The following STX8 variants were observed in gnomAD, a reference collection of about 807,000 sequenced individuals.
STX8 encodes the protein syntaxin 8.
Under a neutral mutation model 37.5 loss-of-function variants are expected in STX8, and 23 were observed. That is an observed-to-expected ratio of 0.61 (90% CI 0.44 to 0.87). The LOEUF is 0.87. Among genes scored for constraint, STX8 ranks in the 40% least tolerant of loss-of-function variants. The probability of loss-of-function intolerance (pLI) is 0.00; values close to 1 mark genes in which losing one functional copy is unlikely to be tolerated. For missense variants in STX8, 313 were observed against 284.7 expected (o/e 1.10, Z -0.71); for synonymous variants, 115 against 99.1 (o/e 1.16, Z -0.95).
In STX8 at chr17:9,507,887, C is replaced by T. The variant is rs2100673; in HGVS notation, c.324-2725G>A. Among the ~76,000 whole-genome samples the T allele has an allele frequency of 0.64, 97,920 of 151,940 alleles. 33,020 individuals carry two copies. Among genetic ancestry groups the T allele is most frequent in the Middle Eastern group, 0.84 (246 of 294 alleles). ...CACCTGGAACCAAAGCCAATGCATCCCACTGAACCAACACCCCAAGATCCA... is the reference window on the plus strand; with the variant it reads ...CACCTGGAACCAAAGCCAATGCATCTCACTGAACCAACACCCCAAGATCCA... On this transcript the variant is annotated intron_variant, in intron 4 of 7. Transcript: ENST00000306357. This position sits in a 1 kb window ranked among gnomAD's most constrained non-coding sequence, Gnocchi z 4.0.
chr17:9,459,067 A>G (rs9900838), intron 6 of STX8, among the ~76,000 whole-genome samples: 1 of 151,696 alleles, frequency 6.6e-6, no homozygotes, highest in Non-Finnish European at 1.5e-5. Flanking sequence ...CTCCTGACCT[A>G]GTGATCCGCC....
At chr17:9,331,761 G>T (rs1013450086) in intron 7 of STX8, among the ~76,000 whole-genome samples, 2 of 151,504 alleles carry the variant, frequency 1.3e-5, no homozygotes, top group Non-Finnish European at 2.9e-5. Flanking sequence ...TTTTTCCTCC[G>T]CCTGTTCTCT....
intron 7 of STX8, among the ~76,000 whole-genome samples, chr17:9,285,913 C>A (rs1458799987): frequency 6.6e-6 from 1 of 152,172 alleles, no homozygotes; most frequent in Non-Finnish European, 1.5e-5. Flanking sequence ...GACTAATTTA[C>A]TCAATACTTC....
chr17:9,494,162 C>T (rs1176032953), intron 5 of STX8, among the ~76,000 whole-genome samples: 1 of 151,758 alleles, frequency 6.6e-6, no homozygotes, highest in Non-Finnish European at 1.5e-5. Context: ...ACTACAGGCG[C>T]CCGCCACCAC....
chr17:9,395,205 A>T (rs560011868), intron 6 of STX8, among the ~76,000 whole-genome samples: 1 of 152,352 alleles, frequency 6.6e-6, no homozygotes, highest in Admixed American at 6.5e-5. Flanking sequence ...TAAAACAAAT[A>T]TTCATATAAA....
intron 7 of STX8, among the ~76,000 whole-genome samples, chr17:9,253,207 G>GGTGT (rs36048368): frequency 0.037 from 5,165 of 140,938 alleles, 127 homozygotes; most frequent in African/African-American, 0.05. Flanking sequence ...CAGGGGTAGG[G>GGTGT]GTGTGTGTGT....
chr17:9,274,648 C>A (rs1203646794), intron 7 of STX8, among the ~76,000 whole-genome samples: 1 of 146,424 alleles, frequency 6.8e-6, no homozygotes, highest in Non-Finnish European at 1.5e-5. Flanking sequence ...TGCACTCCAG[C>A]CTGGGCAACA....
intron 7 of STX8, among the ~76,000 whole-genome samples, chr17:9,286,239 CT>C (rs1215047106): frequency 1.3e-5 from 2 of 152,206 alleles, no homozygotes. Context: ...AGTTATTTAA[CT>C]GTTAGCACAG....
At chr17:9,538,579 G>C (rs1906152540) in intron 4 of STX8, among the ~76,000 whole-genome samples, 1 of 152,194 alleles carries the variant, frequency 6.6e-6, no homozygotes, top group African/African-American at 2.4e-5. Flanking sequence ...TAGTGCAAGA[G>C]AAAAGCCTAT....
chr17:9,341,005 T>C (rs917458637), intron 7 of STX8, among the ~76,000 whole-genome samples: 12 of 144,490 alleles, frequency 8.3e-5, no homozygotes, highest in African/African-American at 2.8e-4. Context: ...ATAAATTATA[T>C]ATATAAATAT....
intron 7 of STX8, among the ~76,000 whole-genome samples, chr17:9,347,803 C>T (rs1472207976): frequency 6.6e-6 from 1 of 152,236 alleles, no homozygotes; most frequent in African/African-American, 2.4e-5. Context: ...TTTCTCCCAA[C>T]TCCCCAGTCC....
At chr17:9,286,048 AAAT>A (rs998169338) in intron 7 of STX8, among the ~76,000 whole-genome samples, 58 of 152,150 alleles carry the variant, frequency 3.8e-4, no homozygotes, top group African/African-American at 1.3e-3. Flanking sequence ...TTAAAAAAAA[AAAT>A]AAGGCAAGAT....
At chr17:9,372,779 A>ATT (rs72485507) in intron 7 of STX8, among the ~76,000 whole-genome samples, 27 of 109,536 alleles carry the variant, frequency 2.5e-4, no homozygotes, top group African/African-American at 7.8e-4. Flanking sequence ...CCCAGCCCTC[A>ATT]TTTTTTTTTT....
At chr17:9,525,680 T>C (rs1905538977) in intron 4 of STX8, among the ~76,000 whole-genome samples, 2 of 152,160 alleles carry the variant, frequency 1.3e-5, no homozygotes, top group Non-Finnish European at 1.5e-5. Context: ...CCAGATCATT[T>C]ATGGCTCATA....
At chr17:9,261,468 C>G (rs982026905) in intron 7 of STX8, among the ~76,000 whole-genome samples, 5 of 152,148 alleles carry the variant, frequency 3.3e-5, no homozygotes, top group African/African-American at 1.2e-4. Context: ...ATGAGAAAGG[C>G]AGAAAAATCA....
chr17:9,364,122 G>A (rs1033899570), intron 7 of STX8, among the ~76,000 whole-genome samples: 23 of 152,094 alleles, frequency 1.5e-4, no homozygotes, highest in African/African-American at 5.1e-4. Context: ...CACTTAACAC[G>A]CGCATTATCC....
At position 9,403,965 on chromosome 17, in the gene STX8, TC is replaced by T. The variant is rs529673835; in HGVS notation, c.542-25313del. Among the ~76,000 whole-genome samples the T allele has an allele frequency of 2.5e-3, 381 of 152,110 alleles. 1 individual carries two copies. Among genetic ancestry groups the T allele is most frequent in the African/African-American group, 9.0e-3 (373 of 41,476 alleles). The stretch of plus-strand genomic sequence containing the variant: ...CCGGCCCACATACAACTCTTTTGAC[TC>T]CCCCAAAACTTAACTAACCGTCTAC... On this transcript the variant is annotated intron_variant, in intron 6 of 7. Transcript: ENST00000306357.
At chr17:9,291,695 T>A (rs1908316952) in intron 7 of STX8, among the ~76,000 whole-genome samples, 1 of 152,184 alleles carries the variant, frequency 6.6e-6, no homozygotes, top group African/African-American at 2.4e-5. Flanking sequence ...AAACTACCCA[T>A]GTCCTCTTTG....
At chr17:9,281,021 A>T (rs1202386001) in intron 7 of STX8, among the ~76,000 whole-genome samples, 1 of 152,176 alleles carries the variant, frequency 6.6e-6, no homozygotes, top group Non-Finnish European at 1.5e-5. Context: ...TGTGACAAGG[A>T]ATCTGGGCAA....
Sources: allele counts gnomAD v4.1 joint callset (sites outside exome capture counted in the v4.1 genomes callset), GRCh38; gene constraint gnomAD v4.1.1; non-coding constraint Gnocchi (gnomAD v3.1); transcripts MANE v1.5; gene names NCBI Gene and HGNC (gene_info 2026-07-23, HGNC 2026-07-21).